Variants in ADAM22 observed in about 807,000 individuals in gnomAD.
The protein encoded by ADAM22 is disintegrin and metalloproteinase domain-containing protein 22.
Under a neutral mutation model 144.6 loss-of-function variants are expected in ADAM22, and 65 were observed. The ratio of observed to expected loss-of-function variants is 0.45; its 90% CI spans 0.37 to 0.55. The LOEUF is 0.55. ADAM22 is among the 20% of genes least tolerant of loss of function. ADAM22 has a pLI of 0.00. For missense variants in ADAM22, 974 were observed against 1,184.9 expected (o/e 0.82, Z 2.61); for synonymous variants, 391 against 412.6 (o/e 0.95, Z 0.63).
At chr7:88,141,943 G>T (rs953044430) in intron 14 of ADAM22, among the ~76,000 whole-genome samples, 1 of 151,672 alleles carries the variant, frequency 6.6e-6, no homozygotes, top group Non-Finnish European at 1.5e-5. Context: ...AGATCCAAAG[G>T]TGTGCTCTTT....
At chr7:88,093,469 T>C (rs1204844652) in intron 4 of ADAM22, among the ~76,000 whole-genome samples, 1 of 152,154 alleles carries the variant, frequency 6.6e-6, no homozygotes, top group Non-Finnish European at 1.5e-5. Context: ...TACAGCCTTT[T>C]TGAAGGAGGA....
intron 3 of ADAM22, among the ~76,000 whole-genome samples, chr7:88,034,019 C>T (rs1009033748): frequency 2.0e-5 from 3 of 152,126 alleles, no homozygotes; most frequent in African/African-American, 7.2e-5. Context: ...ACTTCAAGAA[C>T]CTGCTTGGTG....
At chr7:88,024,073 T>G (rs1798436204) in intron 3 of ADAM22, among the ~76,000 whole-genome samples, 1 of 152,228 alleles carries the variant, frequency 6.6e-6, no homozygotes, top group Admixed American at 6.5e-5. Context: ...TATACCATAT[T>G]TTCTTTATCC....
intron 3 of ADAM22, among the ~76,000 whole-genome samples, chr7:88,025,267 G>A (rs1428730550): frequency 6.6e-6 from 1 of 152,136 alleles, no homozygotes; most frequent in African/African-American, 2.4e-5. Flanking sequence ...GTGTATTCTG[G>A]TTATTAATCC....
intron 14 of ADAM22, among the ~76,000 whole-genome samples, chr7:88,141,569 C>A (rs1434376738): frequency 4.0e-5 from 6 of 151,734 alleles, no homozygotes; most frequent in Non-Finnish European, 8.8e-5. Flanking sequence ...CAATGTAAAA[C>A]AATATTTAAA....
intron 3 of ADAM22, among the ~76,000 whole-genome samples, chr7:87,987,377 C>T (rs1788737369): frequency 6.6e-6 from 1 of 152,110 alleles, no homozygotes; most frequent in Admixed American, 6.5e-5. Flanking sequence ...CAGAGTTTCA[C>T]CATGTTGGCC....
In ADAM22 at chr7:88,151,231, A is replaced by G. The variant is rs1018978142; in HGVS notation, c.1618-26A>G. 6.8e-6 allele frequency: 11 copies of G among 1,613,726 alleles called. 1 individual carries two copies. Among genetic ancestry groups the G allele is most frequent in the Middle Eastern group, 3.3e-4 (2 of 6,062 alleles). On this transcript the variant is annotated intron_variant, in intron 19 of 31. Coordinates refer to ENST00000413139, the MANE Select transcript of ADAM22 (RefSeq NM_001324418.2). ...TGACATAAGCAGATATTGCATCGCT[A>G]ATGGGTATTTGCTTTTCCGTTTTAG...
At chr7:88,082,122 C>G (rs1816866467) in intron 4 of ADAM22, among the ~76,000 whole-genome samples, 1 of 152,178 alleles carries the variant, frequency 6.6e-6, no homozygotes, top group African/African-American at 2.4e-5. Flanking sequence ...CAGTATGGTA[C>G]TGGTACCAAA....
At chr7:87,972,026 T>C (rs544236972) in intron 2 of ADAM22, among the ~76,000 whole-genome samples, 85 of 152,284 alleles carry the variant, frequency 5.6e-4, no homozygotes, top group Non-Finnish European at 1.0e-3. Context: ...CTGTCTCTAC[T>C]CAGGGATGCC....
intron 3 of ADAM22, among the ~76,000 whole-genome samples, chr7:87,994,412 C>T (rs1349017331): frequency 2.6e-5 from 4 of 152,162 alleles, no homozygotes; most frequent in Non-Finnish European, 5.9e-5. Flanking sequence ...CCGCCCGCCT[C>T]GGCCTCCCAA....
chr7:88,106,724 C>T (rs1255784785), intron 4 of ADAM22, among the ~76,000 whole-genome samples: 1 of 152,146 alleles, frequency 6.6e-6, no homozygotes, highest in Non-Finnish European at 1.5e-5. Context: ...TATGAATCAT[C>T]TAGGGACTTG....
chr7:88,058,207 A>G (rs1026548245), intron 3 of ADAM22, among the ~76,000 whole-genome samples: 4 of 152,212 alleles, frequency 2.6e-5, no homozygotes, highest in African/African-American at 9.6e-5. Context: ...GCACTTGGGA[A>G]AAGTTCTAGA....
chr7:87,938,580 G>A (rs1460400834), intron 2 of ADAM22, among the ~76,000 whole-genome samples: 3 of 151,970 alleles, frequency 2.0e-5, no homozygotes, highest in Non-Finnish European at 4.4e-5. Flanking sequence ...GTGATTTTCT[G>A]TGAACTCAAA....
chr7:88,065,037 A>G (rs1810866163), intron 3 of ADAM22, among the ~76,000 whole-genome samples: 1 of 152,262 alleles, frequency 6.6e-6, no homozygotes, highest in African/African-American at 2.4e-5. Flanking sequence ...AAAATAATTA[A>G]GATGTTTAAT....
intron 3 of ADAM22, among the ~76,000 whole-genome samples, chr7:88,071,687 G>C (rs1420273557): frequency 6.6e-6 from 1 of 151,978 alleles, no homozygotes; most frequent in Non-Finnish European, 1.5e-5. Context: ...ATGAAAAAAG[G>C]TCTCAGAAAA....
intron 4 of ADAM22, among the ~76,000 whole-genome samples, chr7:88,091,563 G>A (rs1001429210): frequency 6.6e-6 from 1 of 152,118 alleles, no homozygotes; most frequent in Non-Finnish European, 1.5e-5. Context: ...TGTGCTAGAT[G>A]CCAGTCTAAG....
chr7:88,120,334 C>T (rs1346776905), intron 7 of ADAM22, among the ~76,000 whole-genome samples: 1 of 152,018 alleles, frequency 6.6e-6, no homozygotes, highest in Non-Finnish European at 1.5e-5. Flanking sequence ...CCCCTTCCCC[C>T]ACCCCACAAC....
rs527405382 is a variant in ADAM22, at chr7:88,199,385, A to G, written c.*2894A>G. 2.0e-5 allele frequency: 3 copies of G among 152,308 alleles called. No individual in the cohort carries two copies. The highest frequency in any genetic ancestry group is 2.0e-4 in the Admixed American group (3 of 15,304). The allele number at this position is 152,308 out of a possible 1,614,324, so 9.4% of individuals were successfully genotyped here. A position where few individuals can be genotyped will look rare whatever the true frequency, so the allele number is the denominator to read the frequency against. ...GCTGCCTGAGAAGTTCCATTTATCC[A>G]TAGTCATTGCAGTGCAGTAAACCCT... is the stretch of plus-strand genomic sequence containing the variant. On this transcript the variant is annotated 3_prime_UTR_variant, in exon 32 of 32. Coordinates refer to ENST00000413139, the MANE Select transcript of ADAM22 (RefSeq NM_001324418.2).
At chr7:88,008,769 A>G (rs970910616) in intron 3 of ADAM22, among the ~76,000 whole-genome samples, 3 of 152,090 alleles carry the variant, frequency 2.0e-5, no homozygotes, top group African/African-American at 4.8e-5. Context: ...GGTAGGGGGT[A>G]TAGCATTAGG....
Sources: gnomAD v4.1 joint callset for allele counts (sites outside exome capture counted in the v4.1 genomes callset) on GRCh38, gnomAD v4.1.1 for gene constraint, MANE v1.5 for transcripts, NCBI Gene and HGNC (gene_info 2026-07-23, HGNC 2026-07-21) for gene names.